The following LRRC4C variants were observed in gnomAD, a reference collection of about 807,000 sequenced individuals.
The protein encoded by LRRC4C is leucine rich repeat containing 4C, also known as leucine-rich repeat-containing protein 4C.
A neutral mutation model predicts 33.6 loss-of-function variants in LRRC4C; 5 were observed. The observed-to-expected ratio is 0.15, with a 90% CI of 0.08 to 0.31. The LOEUF (loss-of-function observed/expected upper bound fraction) is 0.31, where lower values mean the gene tolerates loss of function less well. Among genes scored for constraint, LRRC4C ranks in the 10% least tolerant of loss-of-function variants. The probability of loss-of-function intolerance (pLI) is 1.00; values close to 1 mark genes in which losing one functional copy is unlikely to be tolerated. For synonymous variants in LRRC4C, 329 were observed against 302.0 expected (o/e 1.09, Z -0.93); for missense variants, 560 against 796.7 (o/e 0.70, Z 3.58).
At chr11:41,093,927 C>CAAAAA (rs56173087) in intron 1 of LRRC4C, among the ~76,000 whole-genome samples, 29 of 58,938 alleles carry the variant, frequency 4.9e-4, no homozygotes, top group African/African-American at 1.6e-3. Context: ...CCGTCTCCAC[C>CAAAAA]AAAAAAAAAA....
At chr11:40,588,381 G>T (rs1390224215) in intron 3 of LRRC4C, among the ~76,000 whole-genome samples, 9 of 151,714 alleles carry the variant, frequency 5.9e-5, no homozygotes, top group Non-Finnish European at 1.2e-4. Context: ...TTCTTTATTA[G>T]CCTTGCTAGC....
chr11:40,488,281 TC>T (rs141164706), intron 3 of LRRC4C, among the ~76,000 whole-genome samples: 21,957 of 150,644 alleles, frequency 0.15, 1,716 homozygotes, highest in African/African-American at 0.18. Context: ...GGTGTTTTTT[TC>T]CCCCCCCCAC....
chr11:41,084,881 T>A (rs149891715), intron 1 of LRRC4C, among the ~76,000 whole-genome samples: 436 of 152,060 alleles, frequency 2.9e-3, no homozygotes, highest in Non-Finnish European at 5.0e-3. Context: ...CCAAAAAAAA[T>A]TCCTTATCCT....
At chr11:40,892,452 A>G (rs1955760588) in intron 2 of LRRC4C, among the ~76,000 whole-genome samples, 1 of 152,186 alleles carries the variant, frequency 6.6e-6, no homozygotes, top group Non-Finnish European at 1.5e-5. Context: ...GGACTTCAAC[A>G]GATGTTTGAG....
chr11:41,181,238 A>T (rs1411698370), intron 1 of LRRC4C, among the ~76,000 whole-genome samples: 1 of 152,038 alleles, frequency 6.6e-6, no homozygotes, highest in Non-Finnish European at 1.5e-5. Context: ...CCCCACAGCC[A>T]CTTACACACA....
intron 2 of LRRC4C, among the ~76,000 whole-genome samples, chr11:40,770,758 C>T (rs978484457): frequency 6.6e-6 from 1 of 152,170 alleles, no homozygotes; most frequent in Admixed American, 6.5e-5. Flanking sequence ...AGGCCCCATG[C>T]AAGTCCAAAA....
chr11:41,013,118 T>C (rs1360088637), intron 1 of LRRC4C, among the ~76,000 whole-genome samples: 1 of 152,176 alleles, frequency 6.6e-6, no homozygotes, highest in East Asian at 1.9e-4. Flanking sequence ...CAGAGTCACA[T>C]AGTTCCTTTG....
intron 1 of LRRC4C, among the ~76,000 whole-genome samples, chr11:41,360,150 TC>T (rs1324275375): frequency 6.6e-6 from 1 of 152,138 alleles, no homozygotes; most frequent in Non-Finnish European, 1.5e-5. Context: ...GCCACTGCAC[TC>T]CAGCCTGGAT....
At chr11:41,259,989 A>G (rs1230238053) in intron 1 of LRRC4C, among the ~76,000 whole-genome samples, 5 of 151,982 alleles carry the variant, frequency 3.3e-5, no homozygotes, top group Admixed American at 3.3e-4. Flanking sequence ...TTGGCATCTA[A>G]TATCTGTAGG....
At chr11:41,103,106 T>C (rs1041711010) in intron 1 of LRRC4C, among the ~76,000 whole-genome samples, 4 of 152,132 alleles carry the variant, frequency 2.6e-5, no homozygotes, top group Admixed American at 6.6e-5. Flanking sequence ...CTGATCTGAA[T>C]TACAAATTCT....
chr11:41,443,588 C>G (rs1036893480), intron 1 of LRRC4C, among the ~76,000 whole-genome samples: 1 of 151,178 alleles, frequency 6.6e-6, no homozygotes, highest in African/African-American at 2.4e-5. Context: ...CTTTCTTTTT[C>G]TTTTCTTTTC....
At chr11:40,856,002 A>G (rs1953761963) in intron 2 of LRRC4C, among the ~76,000 whole-genome samples, 1 of 152,046 alleles carries the variant, frequency 6.6e-6, no homozygotes, top group African/African-American at 2.4e-5. Context: ...GTAGGAACAA[A>G]GACAGTTTTA....
At position 41,248,024 on chromosome 11, in the gene LRRC4C, C is replaced by T. The variant is rs1948509643; in HGVS notation, c.-496+211407G>A. On this transcript the variant is annotated intron_variant, in intron 1 of 6. Coordinates refer to ENST00000528697, the MANE Select transcript of LRRC4C (RefSeq NM_001258419.2). ...ATACACTCAAGCTGAGTACATCTCACAGAGAAGAATCACTTACTTAAAGGC... is the reference window on the plus strand; with the variant it reads ...ATACACTCAAGCTGAGTACATCTCATAGAGAAGAATCACTTACTTAAAGGC... Among the ~76,000 whole-genome samples the T allele has an allele frequency of 2.6e-5, 4 of 152,202 alleles. No homozygotes were observed. In the Middle Eastern group the frequency reaches 0.01, roughly 388 times the overall value.
At chr11:41,450,275 A>T (rs1955976535) in intron 1 of LRRC4C, among the ~76,000 whole-genome samples, 1 of 152,150 alleles carries the variant, frequency 6.6e-6, no homozygotes, top group South Asian at 2.1e-4. Context: ...TAAATAGGTG[A>T]GTCTCTGTGT....
intron 2 of LRRC4C, among the ~76,000 whole-genome samples, chr11:40,926,872 T>C (rs914832765): frequency 2.2e-4 from 34 of 152,180 alleles, no homozygotes; most frequent in African/African-American, 7.2e-4. Context: ...GCATAAACTA[T>C]GTAAATATAT....
In LRRC4C at chr11:40,800,478, G is replaced by A. The variant is rs535378302; in HGVS notation, c.-407+133157C>T. 2.2e-4 allele frequency among the ~76,000 whole-genome samples: 34 copies of A among 152,242 alleles called. No homozygotes were observed. In the East Asian group the frequency reaches 3.1e-3, roughly 14 times the overall value. On this transcript the variant is annotated intron_variant, in intron 2 of 6. Transcript: ENST00000528697. The stretch of plus-strand genomic sequence containing the variant: ...ATTACTAAGTCATTCGCCCTTTTCC[G>A]AAGTTACCTTTTTAAAATTTCAACT...
At chr11:40,531,215 C>T (rs1278710951) in intron 3 of LRRC4C, among the ~76,000 whole-genome samples, 4 of 152,094 alleles carry the variant, frequency 2.6e-5, no homozygotes, top group Admixed American at 6.6e-5. Context: ...CCTACCCCCA[C>T]GCTTGTATAG....
At chr11:41,272,027 A>C (rs924202415) in intron 1 of LRRC4C, among the ~76,000 whole-genome samples, 1 of 152,162 alleles carries the variant, frequency 6.6e-6, no homozygotes, top group Non-Finnish European at 1.5e-5. Context: ...GAAAACCCAG[A>C]TCTACCTGAC....
chr11:40,287,256 A>ATGTG (rs5791367), intron 4 of LRRC4C, among the ~76,000 whole-genome samples: 24,554 of 144,666 alleles, frequency 0.17, 2,370 homozygotes, highest in Admixed American at 0.3. Flanking sequence ...ATGTCACTGT[A>ATGTG]TGTGTGTGTG....
Sources: gnomAD v4.1 joint callset for allele counts (sites outside exome capture counted in the v4.1 genomes callset) on GRCh38, gnomAD v4.1.1 for gene constraint, MANE v1.5 for transcripts, NCBI Gene and HGNC (gene_info 2026-07-23, HGNC 2026-07-21) for gene names.